The following IL1RAPL1 variants were observed in gnomAD, a reference collection of about 807,000 sequenced individuals.
IL1RAPL1 encodes the protein interleukin 1 receptor accessory protein like 1.
A neutral mutation model predicts 48.4 loss-of-function variants in IL1RAPL1; 3 were observed. That is an observed-to-expected ratio of 0.06 (90% confidence interval 0.03 to 0.16). The LOEUF is 0.16. Ranked by LOEUF, IL1RAPL1 falls within the 10% of genes least tolerant of loss-of-function variation. The pLI is 1.00. For missense variants in IL1RAPL1, 349 were observed against 530.6 expected (o/e 0.66, Z 3.36); for synonymous variants, 185 against 187.7 (o/e 0.99, Z 0.12).
chrX:29,719,720 G>GCT (rs1420147304), intron 6 of IL1RAPL1, among the ~76,000 whole-genome samples: 8 of 87,629 alleles, frequency 9.1e-5, no homozygotes, highest in African/African-American at 1.4e-4. Flanking sequence ...CCTTCAAACT[G>GCT]CTCTCTCTCT....
rs1163805144 is a variant in IL1RAPL1 at position 29,094,771 on chromosome X, C to CA, written c.83-188137dup. 7.6e-3 allele frequency among the ~76,000 whole-genome samples: 45 copies of CA among 5,899 alleles called. 5 individuals are homozygous for CA. The highest frequency in any genetic ancestry group is 0.01 in the Non-Finnish European group (35 of 3,423). 5.1% of individuals were successfully genotyped at this position (5,899 alleles called of 115,157 possible). ...TGGTGACAAGAGTGAAACTCCATCT[C>CA]AAAAAAAAAAAAAAAAAAAAAAAAA... On this transcript the variant is annotated intron_variant, in intron 2 of 10. Coordinates refer to ENST00000378993, the MANE Select transcript of IL1RAPL1 (RefSeq NM_014271.4).
intron 2 of IL1RAPL1, among the ~76,000 whole-genome samples, chrX:28,960,844 T>TA (rs1179225838): frequency 2.8e-5 from 3 of 107,962 alleles, no homozygotes; most frequent in Non-Finnish European, 3.8e-5. Flanking sequence ...CCGTCTCTAC[T>TA]AAAAAAATAC....
In IL1RAPL1 at chrX:29,917,994, G is replaced by A. The variant is rs745366495; in HGVS notation, c.911+398G>A. Among the ~76,000 whole-genome samples, 143 of 100,899 alleles carry A rather than the reference G, an allele frequency of 1.4e-3. 1 individual carries two copies. Among genetic ancestry groups the A allele is most frequent in the African/African-American group, 4.8e-3 (133 of 27,492 alleles). 87.6% of individuals were successfully genotyped at this position (100,899 alleles called of 115,157 possible). On this transcript the variant is annotated intron_variant, in intron 7 of 10. Transcript: ENST00000378993. The stretch of plus-strand genomic sequence containing the variant: ...AAAAATTAGCCAGGCATGGTGGTGC[G>A]TGCCTATTGTCCGGGCTACTCGGGA...
intron 1 of IL1RAPL1, among the ~76,000 whole-genome samples, chrX:28,646,182 C>T (rs1934607283): frequency 8.9e-6 from 1 of 111,824 alleles, no homozygotes; most frequent in Admixed American, 9.5e-5. Context: ...GAACATCAGG[C>T]GTTAGTTGGA....
At chrX:29,802,925 A>G (rs1251140925) in intron 6 of IL1RAPL1, among the ~76,000 whole-genome samples, 2 of 52,550 alleles carry the variant, frequency 3.8e-5, no homozygotes, top group Non-Finnish European at 7.2e-5. Context: ...GTACATATAT[A>G]CATATATGTG....
chrX:29,715,767 T>C (rs934290351), intron 6 of IL1RAPL1, among the ~76,000 whole-genome samples: 3 of 112,062 alleles, frequency 2.7e-5, no homozygotes, highest in African/African-American at 9.7e-5. Flanking sequence ...CTTATACCTG[T>C]GGATCTATGG....
chrX:29,802,895 A>ATATATATGTG (rs1377896400), intron 6 of IL1RAPL1, among the ~76,000 whole-genome samples: 18 of 68,551 alleles, frequency 2.6e-4, no homozygotes, highest in African/African-American at 9.5e-4. Flanking sequence ...ATATGTATAC[A>ATATATATGTG]TATATATGTG....
intron 6 of IL1RAPL1, among the ~76,000 whole-genome samples, chrX:29,900,969 C>G (rs753033704): frequency 5.4e-4 from 61 of 112,141 alleles, no homozygotes; most frequent in Non-Finnish European, 1.0e-3. Context: ...CAATAGCTAG[C>G]AGCCCCAGAC....
At chrX:28,773,490 AG>A (rs778869980) in intron 1 of IL1RAPL1, among the ~76,000 whole-genome samples, 1 of 111,996 alleles carries the variant, frequency 8.9e-6, no homozygotes, top group Non-Finnish European at 1.9e-5. Flanking sequence ...CTGCACACTC[AG>A]CTGTGAAACA....
intron 6 of IL1RAPL1, among the ~76,000 whole-genome samples, chrX:29,739,692 A>G (rs971364943): frequency 2.7e-5 from 3 of 111,779 alleles, no homozygotes; most frequent in African/African-American, 9.7e-5. Context: ...TAGGATTAAG[A>G]AGTGACATGT....
intron 2 of IL1RAPL1, among the ~76,000 whole-genome samples, chrX:29,007,354 A>G (rs906350173): frequency 8.9e-6 from 1 of 112,082 alleles, no homozygotes; most frequent in African/African-American, 3.2e-5. Context: ...CTGAGGACTT[A>G]TATGATGTTC....
At chrX:29,514,702 G>A (rs1935428332) in intron 5 of IL1RAPL1, among the ~76,000 whole-genome samples, 2 of 112,472 alleles carry the variant, frequency 1.8e-5, no homozygotes, top group Admixed American at 9.4e-5. Context: ...GCCTGCCTTG[G>A]CCTCCCAAAA....
intron 6 of IL1RAPL1, among the ~76,000 whole-genome samples, chrX:29,681,732 C>T (rs186513781): frequency 4.2e-3 from 472 of 111,979 alleles, no homozygotes; most frequent in South Asian, 0.018. Flanking sequence ...TTAAAGCCTA[C>T]TTTCATGAAT....
intron 2 of IL1RAPL1, among the ~76,000 whole-genome samples, chrX:28,877,518 TC>T (rs1318159374): frequency 8.9e-6 from 1 of 112,337 alleles, no homozygotes; most frequent in East Asian, 2.8e-4. Flanking sequence ...TAGATACAGA[TC>T]CCATTATCAT....
intron 2 of IL1RAPL1, among the ~76,000 whole-genome samples, chrX:29,159,682 A>G (rs1929642751): frequency 8.9e-6 from 1 of 111,947 alleles, no homozygotes; most frequent in Non-Finnish European, 1.9e-5. Flanking sequence ...GGCCCTACAT[A>G]AATCTACTCT....
intron 6 of IL1RAPL1, among the ~76,000 whole-genome samples, chrX:29,890,267 A>G (rs1033339766): frequency 2.7e-5 from 3 of 111,883 alleles, no homozygotes; most frequent in African/African-American, 9.7e-5. Context: ...ACTTGTAACT[A>G]AGAGGGAGGC....
chrX:29,730,942 C>T (rs1927900519), intron 6 of IL1RAPL1, among the ~76,000 whole-genome samples: 1 of 112,084 alleles, frequency 8.9e-6, no homozygotes, highest in Non-Finnish European at 1.9e-5. Flanking sequence ...TTTCTTTGTC[C>T]ATCAGCATAT....
chrX:29,894,529 A>G (rs1156910134), intron 6 of IL1RAPL1, among the ~76,000 whole-genome samples: 1 of 112,146 alleles, frequency 8.9e-6, no homozygotes, highest in African/African-American at 3.2e-5. Flanking sequence ...TTTTTCAAAA[A>G]TCCCAGTAGA....
At chrX:29,925,903 A>T (rs1225420915) in intron 8 of IL1RAPL1, among the ~76,000 whole-genome samples, 1 of 112,560 alleles carries the variant, frequency 8.9e-6, no homozygotes, top group Non-Finnish European at 1.9e-5. Flanking sequence ...AGTTGCAGAC[A>T]TGACTATTAA....
Sources: allele counts gnomAD v4.1 joint callset (sites outside exome capture counted in the v4.1 genomes callset), GRCh38; gene constraint gnomAD v4.1.1; transcripts MANE v1.5; gene names NCBI Gene and HGNC (gene_info 2026-07-23, HGNC 2026-07-21).